The following ZFHX3 variants were observed in gnomAD, a reference collection of about 807,000 sequenced individuals.
ZFHX3 encodes the protein zinc finger homeobox 3.
Under a neutral mutation model 279.1 loss-of-function variants are expected in ZFHX3, and 42 were observed. That is an observed-to-expected ratio of 0.15 (90% CI 0.12 to 0.19). ZFHX3 has a LOEUF of 0.19. ZFHX3 is among the 10% of genes least tolerant of loss of function. The pLI, the probability that ZFHX3 is intolerant of heterozygous loss-of-function variation, is 1.00. For missense variants in ZFHX3, 4,981 were observed against 4,754.0 expected, an observed-to-expected ratio of 1.05 and a Z score of -1.40; for synonymous variants, 2,293 against 1,957.8, an observed-to-expected ratio of 1.17 and a Z score of -4.52.
In ZFHX3 at chr16:72,794,556, G is replaced by C. The variant is rs2035831984; in HGVS notation, c.8126C>G (p.Ala2709Gly). ...GQFRAVGPAQ[A>G]HRRCPFCRAL... is the part of the protein sequence containing the mutation. ...TCTGCAAAAAGGGCATCTCCTGTGG[G>C]CCTGCGCTGGGCCTACAGCCCGGAA... The change falls in exon 9 of 10, where the codon GCC becomes GGC. Residue 2709 changes from alanine to glycine, a missense_variant. Ala to Gly is a moderately conservative substitution (Grantham distance 60). Transcript: ENST00000268489. The surrounding 1 kb of genome is among the most constrained non-coding windows in gnomAD (Gnocchi z 4.2). 6.2e-7 allele frequency: 1 copy of C among 1,614,170 alleles called. No individual in the cohort carries two copies. Among genetic ancestry groups the C allele is most frequent in the Non-Finnish European group, 8.5e-7 (1 of 1,180,022 alleles).
chr16:73,501,936 T>C (rs574289710), intron 2 of ZFHX3, among the ~76,000 whole-genome samples: 1 of 152,206 alleles, frequency 6.6e-6, no homozygotes, highest in East Asian at 1.9e-4. Context: ...AAAGGTTTGG[T>C]TAATGTTATA....
At chr16:72,833,545 G>A (rs2037116213) in intron 4 of ZFHX3, among the ~76,000 whole-genome samples, 1 of 152,206 alleles carries the variant, frequency 6.6e-6, no homozygotes, top group South Asian at 2.1e-4. Context: ...AACAGCCACT[G>A]TGCCATTTTT....
chr16:73,849,318 T>G (rs1169704517), intron 1 of ZFHX3, among the ~76,000 whole-genome samples: 3 of 152,238 alleles, frequency 2.0e-5, no homozygotes, highest in Admixed American at 1.3e-4. Context: ...ATACTGGGAT[T>G]TGAATTACCT....
At chr16:73,339,532 C>T (rs181225760) in intron 3 of ZFHX3, among the ~76,000 whole-genome samples, 59 of 152,284 alleles carry the variant, frequency 3.9e-4, no homozygotes, top group African/African-American at 1.0e-3. Context: ...AAGTCTATTT[C>T]GTCTTTTTGT....
intron 3 of ZFHX3, among the ~76,000 whole-genome samples, chr16:73,430,972 A>T (rs142625006): frequency 1.3e-5 from 2 of 152,302 alleles, no homozygotes; most frequent in Non-Finnish European, 2.9e-5. Flanking sequence ...CTGCTCTAGA[A>T]CATAAGGTGT....
At chr16:73,062,758 A>G (rs1965701711), upstream of ZFHX3, among the ~76,000 whole-genome samples, 1 of 151,168 alleles carries the variant, frequency 6.6e-6, no homozygotes, top group African/African-American at 2.4e-5. Context: ...CCCCGTGTGG[A>G]GGCAGGAGAG....
At chr16:73,279,810 G>A (rs578162892) in intron 4 of ZFHX3, among the ~76,000 whole-genome samples, 186 of 152,300 alleles carry the variant, frequency 1.2e-3, no homozygotes, top group Middle Eastern at 3.4e-3. Context: ...AGCAAATGAA[G>A]CAATCAGTAG....
intron 5 of ZFHX3, among the ~76,000 whole-genome samples, chr16:73,211,843 G>T (rs2012029373): frequency 6.6e-6 from 1 of 152,094 alleles, no homozygotes; most frequent in Non-Finnish European, 1.5e-5. Flanking sequence ...GAATGGCAGG[G>T]AGGGGGGTGG....
intron 1 of ZFHX3, among the ~76,000 whole-genome samples, chr16:73,840,899 G>C (rs1477198676): frequency 6.6e-6 from 1 of 152,142 alleles, no homozygotes; most frequent in African/African-American, 2.4e-5. Flanking sequence ...AGGTGGGTAG[G>C]TAAAGGAAAC....
intron 2 of ZFHX3, among the ~76,000 whole-genome samples, chr16:73,529,613 G>A (rs1392369834): frequency 6.6e-6 from 1 of 152,146 alleles, no homozygotes; most frequent in East Asian, 1.9e-4. Flanking sequence ...TTGTCCAGGG[G>A]ACAAATGGGA....
chr16:73,168,281 A>ATTTCTTTCTT (rs1567408240), intron 5 of ZFHX3, among the ~76,000 whole-genome samples: 4 of 28,646 alleles, frequency 1.4e-4, no homozygotes, highest in Admixed American at 3.6e-4. Context: ...CTTTCTTTCG[A>ATTTCTTTCTT]GACAAAGTCT....
chr16:73,802,582 T>C (rs1960175006), intron 1 of ZFHX3, among the ~76,000 whole-genome samples: 1 of 152,138 alleles, frequency 6.6e-6, no homozygotes, highest in South Asian at 2.1e-4. Flanking sequence ...GACAGACTAA[T>C]ACAGGTCGCA....
intron 1 of ZFHX3, among the ~76,000 whole-genome samples, chr16:73,843,851 G>A (rs1040138230): frequency 6.6e-6 from 1 of 152,224 alleles, no homozygotes; most frequent in African/African-American, 2.4e-5. Flanking sequence ...GCCACAGACA[G>A]TTTGTAAACA....
At chr16:73,608,929 T>C (rs1375780533) in intron 2 of ZFHX3, 2 of 152,246 alleles carry the variant, frequency 1.3e-5, no homozygotes, top group Admixed American at 6.5e-5. Context: ...TACTCTTTTT[T>C]AGTCTTTAGG....
At chr16:73,768,733 C>T (rs1449045202) in intron 1 of ZFHX3, among the ~76,000 whole-genome samples, 1 of 152,262 alleles carries the variant, frequency 6.6e-6, no homozygotes, top group African/African-American at 2.4e-5. Context: ...ATTAGGGATA[C>T]CAACTACTCT....
intron 1 of ZFHX3, among the ~76,000 whole-genome samples, chr16:73,742,090 C>T (rs1004682968): frequency 6.6e-6 from 1 of 152,168 alleles, no homozygotes; most frequent in Non-Finnish European, 1.5e-5. Context: ...TCATAACCAC[C>T]TCAAATTTCC....
intron 4 of ZFHX3, among the ~76,000 whole-genome samples, chr16:73,267,818 A>G (rs2014021276): frequency 6.6e-6 from 1 of 152,328 alleles, no homozygotes; most frequent in Non-Finnish European, 1.5e-5. Context: ...GCAAATTTTC[A>G]TTAAGTGAAC....
intron 1 of ZFHX3, among the ~76,000 whole-genome samples, chr16:73,718,278 G>A (rs1280542469): frequency 6.6e-6 from 1 of 152,134 alleles, no homozygotes; most frequent in East Asian, 1.9e-4. Flanking sequence ...GGGCGTGGTG[G>A]CAGGCACCTG....
At position 73,157,465 on chromosome 16, in the gene ZFHX3, TA is replaced by T. The variant is rs1297201223; in HGVS notation, c.-1103-13635del. On this transcript the variant is annotated intron_variant, in intron 5 of 17. Coordinates refer to the ZFHX3 transcript ENST00000641206. ...TCCTGGGTGATTTAGGAATGTTTGG[TA>T]AAAAAAAAAAAAAAAAAGGCCAGTC... 1.0e-3 allele frequency among the ~76,000 whole-genome samples: 78 copies of T among 76,502 alleles called. 1 individual carries two copies. Among genetic ancestry groups the T allele is most frequent in the East Asian group, 1.7e-3 (5 of 2,902 alleles). The allele number at this position is 76,502 out of a possible 152,430, so 50.2% of individuals were successfully genotyped here.
Sources: allele counts gnomAD v4.1 joint callset (sites outside exome capture counted in the v4.1 genomes callset), GRCh38; gene constraint gnomAD v4.1.1; non-coding constraint Gnocchi (gnomAD v3.1); transcripts MANE v1.5; gene names NCBI Gene and HGNC (gene_info 2026-07-23, HGNC 2026-07-21).